Variants in RTRAF observed in about 807,000 individuals in gnomAD.
RTRAF encodes tRNA-splicing ligase complex subunit RTRAF.
In RTRAF, 14 loss-of-function variants were observed where a neutral mutation model predicts 34.4. The observed-to-expected ratio is 0.41, with a 90% CI of 0.27 to 0.64. The LOEUF (loss-of-function observed/expected upper bound fraction) is 0.64. RTRAF is among the 30% of genes least tolerant of loss of function. RTRAF has a pLI of 0.34. For missense variants in RTRAF, 291 were observed against 288.4 expected, an observed-to-expected ratio of 1.01 and a Z score of -0.06; for synonymous variants, 96 against 95.3, an observed-to-expected ratio of 1.01 and a Z score of -0.04.
At position 51,993,779 on chromosome 14, in the gene RTRAF, C is replaced by T. The variant is rs759364744; in HGVS notation, c.243C>T (p.Asp81=). 1.9e-6 allele frequency: 3 copies of T among 1,604,818 alleles called. No homozygotes were observed. The African/African-American group carries it at 4.0e-5, about 22-fold the overall frequency. Residue 81 remains aspartate (D), a synonymous_variant, in exon 3 of 8, where the codon GAC becomes GAT. Transcript: ENST00000261700. The part of the protein sequence containing the change: ...FKIQDRQEAI[D]WLLGLAVRLE... ...TTCAAGATCGACAAGAAGCTATTGACTGGCTTCTTGGTTTAGCTGTTAGAC... is the reference window on the plus strand; with the variant it reads ...TTCAAGATCGACAAGAAGCTATTGATTGGCTTCTTGGTTTAGCTGTTAGAC...
In RTRAF at chr14:52,006,770, C is replaced by T; in HGVS notation, c.*2254C>T. On this transcript the variant is annotated 3_prime_UTR_variant, in exon 8 of 8. Coordinates refer to ENST00000261700, the MANE Select transcript of RTRAF (RefSeq NM_016039.3). ...AATGGGGAAATAGGATATTTTACTT[C>T]CATTACAGTCATAGATTAGCAACTG... is the stretch of plus-strand genomic sequence containing the variant. The T allele has an allele frequency of 8.4e-7, 1 of 1,188,040 alleles. No homozygotes were observed. The highest frequency in any genetic ancestry group is 1.4e-5 in the South Asian group (1 of 69,424). 73.6% of individuals were successfully genotyped at this position (1,188,040 alleles called of 1,614,324 possible). A position where few individuals can be genotyped will look rare whatever the true frequency, so the allele number is the denominator to read the frequency against.
In RTRAF at chr14:52,004,553, A is replaced by C. The variant is rs547252888; in HGVS notation, c.*37A>C. The C allele has an allele frequency of 6.3e-7, 1 of 1,578,696 alleles. No homozygotes were observed. The highest frequency in any genetic ancestry group is 8.6e-7 in the Non-Finnish European group (1 of 1,162,490). On this transcript the variant is annotated 3_prime_UTR_variant, in exon 8 of 8. Transcript: ENST00000261700. ...CTTCAGCTTCTCACCTACTTAGTAC[A>C]GTTGGGAACCATACACTTCTGGCAT...
In RTRAF at chr14:52,009,244, G is replaced by A. The variant is rs933887446; in HGVS notation, c.*4728G>A. 1 of 152,146 alleles carries A rather than the reference G, an allele frequency of 6.6e-6. No individual in the cohort carries two copies. Among genetic ancestry groups the A allele is most frequent in the African/African-American group, 2.4e-5 (1 of 41,434 alleles). 9.4% of individuals were successfully genotyped at this position (152,146 alleles called of 1,614,324 possible). A position where few individuals can be genotyped will look rare whatever the true frequency, so the allele number is the denominator to read the frequency against. On this transcript the variant is annotated 3_prime_UTR_variant, in exon 8 of 8. Transcript: ENST00000261700. ...TGGAGGTGGCCAGAGGGTACAGCATGCATATCATTGCTTCATCGCTTCTGA... is the reference window on the plus strand; with the variant it reads ...TGGAGGTGGCCAGAGGGTACAGCATACATATCATTGCTTCATCGCTTCTGA...
rs1183099068 is a variant in RTRAF, at chr14:52,007,671, A to G, written c.*3155A>G. On this transcript the variant is annotated 3_prime_UTR_variant, in exon 8 of 8. Transcript: ENST00000261700. ...TTTTAAGACTCATTTACTAGTACTT[A>G]AATTTACTAGTACTTAAAAGTTTAC... is the stretch of plus-strand genomic sequence containing the variant. The G allele has an allele frequency of 1.3e-5, 10 of 787,218 alleles. No individual in the cohort carries two copies. Among genetic ancestry groups the G allele is most frequent in the Non-Finnish European group, 4.2e-6 (2 of 476,940 alleles). The allele number at this position is 787,218 out of a possible 1,614,324, so 48.8% of individuals were successfully genotyped here. A position where few individuals can be genotyped will look rare whatever the true frequency, so the allele number is the denominator to read the frequency against.
rs1157797535 is a variant in RTRAF, at chr14:52,005,821, T to TATGTTTATTTAC, written c.*1306_*1317dup. 6.2e-7 allele frequency: 1 copy of TATGTTTATTTAC among 1,612,946 alleles called. No individual in the cohort carries two copies. The highest frequency in any genetic ancestry group is 1.3e-5 in the African/African-American group (1 of 74,888). On this transcript the variant is annotated 3_prime_UTR_variant, in exon 8 of 8. Transcript: ENST00000261700. The stretch of plus-strand genomic sequence containing the variant: ...AGATACTCATCAGTAAACTGGCCAC[T>TATGTTTATTTAC]ATGTTTATTTACTGATACAACACCA...
chr14:52,005,539 ATATTGTAACCAAGTTGC>A lies in RTRAF; in HGVS notation c.*1024_*1040del. On this transcript the variant is annotated 3_prime_UTR_variant, in exon 8 of 8. Transcript: ENST00000261700. Reference sequence around the variant, plus strand: ...GGGTGGGACAGGGTGGTGGGTGAGTATATTGTAACCAAGTTGCAACAGCAAGTCTTTGCATTTTGTGT... The same window carrying A: ...GGGTGGGACAGGGTGGTGGGTGAGTAAACAGCAAGTCTTTGCATTTTGTGT... 3.8e-6 allele frequency: 6 copies of A among 1,586,634 alleles called. No individual in the cohort carries two copies. Among genetic ancestry groups the A allele is most frequent in the Non-Finnish European group, 5.1e-6 (6 of 1,167,740 alleles).
At chr14:51,991,879 C>G (rs1193615807) in intron 2 of RTRAF, among the ~76,000 whole-genome samples, 1 of 152,014 alleles carries the variant, frequency 6.6e-6, no homozygotes, top group Non-Finnish European at 1.5e-5. Flanking sequence ...GCAGCCTGGG[C>G]AACATGATGA....
In RTRAF at chr14:52,007,726, GATTTC is replaced by G. The variant is rs1300843530; in HGVS notation, c.*3215_*3219del. 1 of 1,195,636 alleles carries G rather than the reference GATTTC, an allele frequency of 8.4e-7. No homozygotes were observed. Among genetic ancestry groups the G allele is most frequent in the East Asian group, 2.3e-5 (1 of 42,678 alleles). 74.1% of individuals were successfully genotyped at this position (1,195,636 alleles called of 1,614,324 possible). On this transcript the variant is annotated 3_prime_UTR_variant, in exon 8 of 8. Transcript: ENST00000261700. Reference sequence around the variant, plus strand: ...CAAAGAAAGGAGATCTAAGTGATGGGATTTCATTTTGTAGTAAAATCTGTTAGTGC... The same window carrying G: ...CAAAGAAAGGAGATCTAAGTGATGGGATTTTGTAGTAAAATCTGTTAGTGC...
chr14:52,004,652 C>CATTGCTT lies in RTRAF; in HGVS notation c.*144_*150dup. The CATTGCTT allele has an allele frequency of 8.3e-6, 6 of 725,774 alleles. No homozygotes were observed. In the South Asian group the frequency reaches 1.2e-4, roughly 14 times the overall value. The allele number at this position is 725,774 out of a possible 1,614,324, so 45.0% of individuals were successfully genotyped here. A position where few individuals can be genotyped will look rare whatever the true frequency, so the allele number is the denominator to read the frequency against. On this transcript the variant is annotated 3_prime_UTR_variant, in exon 8 of 8. Coordinates refer to ENST00000261700, the MANE Select transcript of RTRAF (RefSeq NM_016039.3). Reference sequence around the variant, plus strand: ...TGGGTATGTTCTAGAGATTTACCACCATTGCTTATTGCTTTTTTCTTTAAT... The same window carrying CATTGCTT: ...TGGGTATGTTCTAGAGATTTACCACCATTGCTTATTGCTTATTGCTTTTTTCTTTAAT...
At chr14:51,989,842 G>A (rs1280146945) in intron 1 of RTRAF, 142 bp downstream of exon 1, 3 of 737,176 alleles carry the variant, frequency 4.1e-6, no homozygotes, top group East Asian at 3.0e-5. Context: ...CCTCTGGGTC[G>A]CCACGTACCT....
At position 51,991,426 on chromosome 14, in the gene RTRAF, C is replaced by A; in HGVS notation, c.171C>A (p.Pro57=). ...GAAACATCCACAGCAGCGACTGGCCCAAGTTCTTTGAAAAGGTAATGAATT... is the reference window on the plus strand; with the variant it reads ...GAAACATCCACAGCAGCGACTGGCCAAAGTTCTTTGAAAAGGTAATGAATT... ...NLRNIHSSDW[P]KFFEKYLRDV... Residue 57 remains proline, a synonymous_variant, in exon 2 of 8, where the codon CCC becomes CCA. Transcript: ENST00000261700. 2 of 1,612,406 alleles carry A rather than the reference C, an allele frequency of 1.2e-6. No individual in the cohort carries two copies. Among genetic ancestry groups the A allele is most frequent in the Non-Finnish European group, 1.7e-6 (2 of 1,179,222 alleles).
chr14:51,998,572 A>G lies in RTRAF; in HGVS notation c.365A>G (p.Asn122Ser), dbSNP rs771864500. 2.6e-5 allele frequency: 42 copies of G among 1,587,718 alleles called. No individual in the cohort carries two copies. Among genetic ancestry groups the G allele is most frequent in the African/African-American group, 2.7e-5 (2 of 73,446 alleles). Residue 122 changes from asparagine to serine, a missense_variant, in exon 4 of 8, where the codon AAT becomes AGT. Asn to Ser is a conservative substitution (Grantham distance 46). Transcript: ENST00000261700. Reference sequence around the variant, plus strand: ...ACTAAAAATGCAGAACCATTGATCAATTTGGATGGTGAGTATATAAATGCA... The same window carrying G: ...ACTAAAAATGCAGAACCATTGATCAGTTTGGATGGTGAGTATATAAATGCA... ...NATKNAEPLI[N>S]LDVNNPDFKA...
chr14:51,989,752 C>T (rs781328966), intron 1 of RTRAF, 52 bp downstream of exon 1: 158 of 1,538,140 alleles, frequency 1.0e-4, no homozygotes, highest in Non-Finnish European at 1.3e-4. Context: ...GGCGGAGGTC[C>T]CAGCCTCAGT....
Position 52,006,324 on chromosome 14 carries a change from TTCG to T in RTRAF, c.*1809_*1811del. On this transcript the variant is annotated 3_prime_UTR_variant, in exon 8 of 8. Transcript: ENST00000261700. ...TTTAAGCTATATGTGAGCAATACCA[TTCG>T]ATTTCTGGGTGAAGTAAAAGGATGA... 1 of 530,990 alleles carries T rather than the reference TTCG, an allele frequency of 1.9e-6. No individual in the cohort carries two copies. The highest frequency in any genetic ancestry group is 3.4e-6 in the Non-Finnish European group (1 of 296,660). The allele number at this position is 530,990 out of a possible 1,614,324, so 32.9% of individuals were successfully genotyped here. A position where few individuals can be genotyped will look rare whatever the true frequency, so the allele number is the denominator to read the frequency against.
Position 52,006,748 on chromosome 14 carries a change from G to T in RTRAF, c.*2232G>T. 1 of 1,387,228 alleles carries T rather than the reference G, an allele frequency of 7.2e-7. No homozygotes were observed. The highest frequency in any genetic ancestry group is 2.3e-5 in the East Asian group (1 of 42,730). The allele number at this position is 1,387,228 out of a possible 1,614,324, so 85.9% of individuals were successfully genotyped here. A position where few individuals can be genotyped will look rare whatever the true frequency, so the allele number is the denominator to read the frequency against. On this transcript the variant is annotated 3_prime_UTR_variant, in exon 8 of 8. Coordinates refer to ENST00000261700, the MANE Select transcript of RTRAF (RefSeq NM_016039.3). ...AGTGATAGTGACACAGTGATAGAAT[G>T]GGGAAATAGGATATTTTACTTCCAT...
rs868840290 is a variant in RTRAF at position 52,009,078 on chromosome 14, G to C, written c.*4562G>C. 2 of 152,128 alleles carry C rather than the reference G, an allele frequency of 1.3e-5. No individual in the cohort carries two copies. The highest frequency in any genetic ancestry group is 4.8e-5 in the African/African-American group (2 of 41,404). 9.4% of individuals were successfully genotyped at this position (152,128 alleles called of 1,614,324 possible). A position where few individuals can be genotyped will look rare whatever the true frequency, so the allele number is the denominator to read the frequency against. On this transcript the variant is annotated 3_prime_UTR_variant, in exon 8 of 8. Transcript: ENST00000261700. ...TATAGAAGCTTTGAATAAATCAGTT[G>C]GGCTACAGAGAACCTCAGTGAGAGG...
chr14:51,994,019 C>G (rs1165641333), intron 3 of RTRAF, among the ~76,000 whole-genome samples, 197 bp downstream of exon 3: 1 of 152,216 alleles, frequency 6.6e-6, no homozygotes, highest in Non-Finnish European at 1.5e-5. Context: ...ATGGTGCCCT[C>G]TGGAGAAGGC....
intron 6 of RTRAF, among the ~76,000 whole-genome samples, chr14:52,003,339 C>T (rs950812436): frequency 1.2e-4 from 19 of 152,122 alleles, no homozygotes; most frequent in African/African-American, 3.4e-4. Flanking sequence ...TTTAATTTTG[C>T]TCACTTGTGC....
intron 3 of RTRAF, 173 bp from the exon 4 acceptor site, chr14:51,998,321 A>G: frequency 2.1e-6 from 1 of 478,494 alleles, no homozygotes; most frequent in Non-Finnish European, 3.8e-6. Flanking sequence ...ATCCCATTTT[A>G]TATATGCAGA....
Sources: allele counts gnomAD v4.1 joint callset (sites outside exome capture counted in the v4.1 genomes callset), GRCh38; gene constraint gnomAD v4.1.1; transcripts MANE v1.5; gene names NCBI Gene and HGNC (gene_info 2026-07-23, HGNC 2026-07-21).